TRPC5: variants seen among roughly 807,000 people sequenced by gnomAD.
TRPC5 encodes the protein transient receptor potential cation channel subfamily C member 5.
Under a neutral mutation model 56.5 loss-of-function variants are expected in TRPC5, and 9 were observed. The ratio of observed to expected loss-of-function variants is 0.16; its 90% confidence interval spans 0.10 to 0.28. TRPC5 has a LOEUF of 0.28. Among genes scored for constraint, TRPC5 ranks in the 10% least tolerant of loss-of-function variants. TRPC5 has a pLI of 1.00. For missense variants in TRPC5, 469 were observed against 748.9 expected, an observed-to-expected ratio of 0.63 and a Z score of 4.36; for synonymous variants, 282 against 278.5, an observed-to-expected ratio of 1.01 and a Z score of -0.13.
intron 1 of TRPC5, among the ~76,000 whole-genome samples, chrX:112,009,572 T>C (rs1452570530): frequency 4.5e-5 from 5 of 111,728 alleles, no homozygotes; most frequent in Non-Finnish European, 9.4e-5. Context: ...GTTTTATTCA[T>C]AATTAAGTGA....
chrX:111,992,779 T>G (rs948445044), intron 1 of TRPC5, among the ~76,000 whole-genome samples: 6 of 109,227 alleles, frequency 5.5e-5, no homozygotes, highest in African/African-American at 2.0e-4. Context: ...ATTTTTGTAT[T>G]TTTAGTAGAG....
intron 9 of TRPC5, among the ~76,000 whole-genome samples, chrX:111,779,734 A>G (rs1243030938): frequency 2.7e-5 from 3 of 112,107 alleles, no homozygotes; most frequent in Non-Finnish European, 5.6e-5. Context: ...TTCCCATGTT[A>G]CAGATGAGGA....
At chrX:111,965,274 C>G (rs1405523871) in intron 1 of TRPC5, among the ~76,000 whole-genome samples, 1 of 112,161 alleles carries the variant, frequency 8.9e-6, no homozygotes, top group Non-Finnish European at 1.9e-5. Context: ...GAAGAGCTAA[C>G]TATCCTAAAT....
chrX:112,019,000 C>T (rs184110780), intron 1 of TRPC5, among the ~76,000 whole-genome samples: 15 of 112,566 alleles, frequency 1.3e-4, no homozygotes, highest in African/African-American at 4.8e-4. Flanking sequence ...CTCTGACTTC[C>T]TCTCTCACCA....
intron 7 of TRPC5, among the ~76,000 whole-genome samples, chrX:111,785,701 A>C (rs764788835): frequency 2.8e-4 from 31 of 111,874 alleles, no homozygotes; most frequent in African/African-American, 1.0e-3. Flanking sequence ...TAGAATAAAC[A>C]GTGTAGAGAA....
At chrX:111,795,134 A>AT (rs753392341) in intron 7 of TRPC5, among the ~76,000 whole-genome samples, 3 of 110,081 alleles carry the variant, frequency 2.7e-5, no homozygotes, top group African/African-American at 3.3e-5. Context: ...ATCCTTAATG[A>AT]TTTTTTTTCT....
chrX:111,947,482 C>G (rs1926959857), intron 2 of TRPC5, among the ~76,000 whole-genome samples: 1 of 110,910 alleles, frequency 9.0e-6, no homozygotes, highest in African/African-American at 3.3e-5. Flanking sequence ...AATTACAGGC[C>G]TGCACTACCA....
intron 2 of TRPC5, chrX:111,931,166 G>A (rs773766303): frequency 8.9e-6 from 1 of 111,874 alleles, no homozygotes; most frequent in African/African-American, 3.2e-5. Context: ...AAAAGTCTTT[G>A]TGTATTTGTG....
chrX:112,032,202 C>T (rs1246549508), intron 1 of TRPC5, among the ~76,000 whole-genome samples: 1 of 110,532 alleles, frequency 9.0e-6, no homozygotes, highest in Non-Finnish European at 1.9e-5. Context: ...GAGATATTAC[C>T]TCACTCCAGT....
intron 7 of TRPC5, among the ~76,000 whole-genome samples, chrX:111,814,678 G>C (rs1161612671): frequency 1.8e-5 from 2 of 109,847 alleles, no homozygotes; most frequent in Non-Finnish European, 3.8e-5. Flanking sequence ...AGTCTAGTGG[G>C]CAGCCATTCT....
intron 1 of TRPC5, among the ~76,000 whole-genome samples, chrX:111,997,358 CGA>C (rs1255086928): frequency 8.9e-6 from 1 of 111,833 alleles, no homozygotes; most frequent in African/African-American, 3.3e-5. Flanking sequence ...GGGTTTCTGA[CGA>C]GAGATCTGCT....
At chrX:112,013,004 G>A (rs147610924) in intron 1 of TRPC5, among the ~76,000 whole-genome samples, 4,992 of 111,597 alleles carry the variant, frequency 0.045, 88 homozygotes, top group African/African-American at 0.074. Flanking sequence ...GTATTTTGCC[G>A]GGTGCTGGAA....
At chrX:111,972,788 C>T (rs1042218877) in intron 1 of TRPC5, among the ~76,000 whole-genome samples, 1 of 112,291 alleles carries the variant, frequency 8.9e-6, no homozygotes, top group African/African-American at 3.2e-5. Flanking sequence ...ACAATTTCCT[C>T]ACAAACCCCC....
chrX:111,873,979 C>A (rs1024801605), intron 3 of TRPC5, among the ~76,000 whole-genome samples: 1 of 111,616 alleles, frequency 9.0e-6, no homozygotes, highest in Non-Finnish European at 1.9e-5. Flanking sequence ...ACTCCTACAC[C>A]TTTCTTGCCC....
At chrX:111,999,970 TAA>T (rs779017354) in intron 1 of TRPC5, among the ~76,000 whole-genome samples, 4 of 111,390 alleles carry the variant, frequency 3.6e-5, no homozygotes, top group Non-Finnish European at 5.7e-5. Context: ...CGTCTCAAAA[TAA>T]TAGTAATAAT....
intron 7 of TRPC5, among the ~76,000 whole-genome samples, chrX:111,815,714 G>C (rs1921840223): frequency 9.1e-6 from 1 of 110,028 alleles, no homozygotes; most frequent in Admixed American, 9.8e-5. Context: ...GAGAGAGACA[G>C]AGTGAGAATC....
chrX:112,059,792 G>A (rs1217449056), intron 1 of TRPC5, among the ~76,000 whole-genome samples: 2 of 111,891 alleles, frequency 1.8e-5, no homozygotes, highest in African/African-American at 6.5e-5. Context: ...AGGGACCAAT[G>A]TTGATGGTAA....
chrX:111,978,680 A>T (rs1569529002), intron 1 of TRPC5, among the ~76,000 whole-genome samples: 1 of 110,981 alleles, frequency 9.0e-6, no homozygotes, highest in Non-Finnish European at 1.9e-5. Flanking sequence ...CAACATGGTG[A>T]CAATAGTAAA....
At chrX:111,844,823 A>C (rs149565422) in intron 6 of TRPC5, among the ~76,000 whole-genome samples, 1 of 111,052 alleles carries the variant, frequency 9.0e-6, no homozygotes, top group African/African-American at 3.3e-5. Context: ...AATCAGAAGG[A>C]AAAGGATAAC....
Sources: gnomAD v4.1 joint callset for allele counts (sites outside exome capture counted in the v4.1 genomes callset) on GRCh38, gnomAD v4.1.1 for gene constraint, MANE v1.5 for transcripts, NCBI Gene and HGNC (gene_info 2026-07-23, HGNC 2026-07-21) for gene names.